Variants in ACAP2 observed in about 807,000 individuals in gnomAD.
ACAP2 encodes arf-GAP with coiled-coil, ANK repeat and PH domain-containing protein 2.
A neutral mutation model predicts 115.8 loss-of-function variants in ACAP2; 39 were observed. That is an observed-to-expected ratio of 0.34 (90% CI 0.26 to 0.44). The LOEUF (loss-of-function observed/expected upper bound fraction) is 0.44. ACAP2 is among the 20% of genes least tolerant of loss of function. The pLI, the probability that ACAP2 is intolerant of heterozygous loss-of-function variation, is 1.00. For missense variants in ACAP2, 662 were observed against 927.6 expected, an observed-to-expected ratio of 0.71 and a Z score of 3.72; for synonymous variants, 289 against 315.8, an observed-to-expected ratio of 0.92 and a Z score of 0.90.
chr3:195,294,178 A>T (rs1193539572), intron 18 of ACAP2, among the ~76,000 whole-genome samples: 1 of 152,054 alleles, frequency 6.6e-6, no homozygotes, highest in African/African-American at 2.4e-5. Flanking sequence ...AGTATAAACA[A>T]TATATAGCTA....
intron 6 of ACAP2, among the ~76,000 whole-genome samples, chr3:195,337,693 C>T (rs1422339813): frequency 6.6e-6 from 1 of 152,154 alleles, no homozygotes; most frequent in East Asian, 1.9e-4. Context: ...GTGATCCACC[C>T]GCCTTGGCCT....
chr3:195,306,957 T>C (rs774597722), intron 12 of ACAP2: 2 of 358,626 alleles, frequency 5.6e-6, no homozygotes, highest in Non-Finnish European at 5.0e-6. Context: ...GAAACTCATA[T>C]GATTTCAATT....
chr3:195,432,544 C>A (rs978136328), intron 1 of ACAP2, among the ~76,000 whole-genome samples: 2 of 152,204 alleles, frequency 1.3e-5, no homozygotes, highest in African/African-American at 4.8e-5. Flanking sequence ...TTTCACTGAT[C>A]TATATGTCTA....
At chr3:195,417,024 G>A (rs1038334042) in intron 1 of ACAP2, among the ~76,000 whole-genome samples, 1 of 148,936 alleles carries the variant, frequency 6.7e-6, no homozygotes, top group Non-Finnish European at 1.5e-5. Context: ...AAGCAATCCT[G>A]CCTCAGCCGC....
intron 20 of ACAP2, among the ~76,000 whole-genome samples, chr3:195,290,964 T>C (rs979299432): frequency 6.6e-6 from 1 of 152,116 alleles, no homozygotes; most frequent in Non-Finnish European, 1.5e-5. Flanking sequence ...TAGTGAGCTA[T>C]GATTGCACCA....
intron 10 of ACAP2, among the ~76,000 whole-genome samples, chr3:195,315,292 A>G (rs1041546354): frequency 5.9e-5 from 9 of 152,354 alleles, no homozygotes; most frequent in Admixed American, 5.2e-4. Context: ...AACTGCTGGG[A>G]TTAGAGGCAT....
chr3:195,301,890 A>G, intron 14 of ACAP2, 76 bp downstream of exon 14: 1 of 1,503,678 alleles, frequency 6.7e-7, no homozygotes, highest in Admixed American at 1.9e-5. Context: ...GAAAAGGGCA[A>G]CTAACAAGTG....
chr3:195,295,365 C>A, intron 17 of ACAP2: 4 of 1,004,314 alleles, frequency 4.0e-6, no homozygotes, highest in Non-Finnish European at 5.4e-6. Context: ...CAGGAAAAAA[C>A]GTTACTGGGA....
At position 195,333,480 on chromosome 3, in the gene ACAP2, C is replaced by T. The variant is rs116490296; in HGVS notation, c.574-357G>A. 5.2e-3 allele frequency among the ~76,000 whole-genome samples: 792 copies of T among 152,274 alleles called. 5 individuals carry two copies. The highest frequency in any genetic ancestry group is 0.018 in the African/African-American group (754 of 41,566). On this transcript the variant is annotated intron_variant, in intron 7 of 22. Transcript: ENST00000326793. Reference sequence around the variant, plus strand: ...CCTCCAAAAGTCCTGGGATTATAGGCGTGAGCCACCATGCCCAGCTCACCA... The same window carrying T: ...CCTCCAAAAGTCCTGGGATTATAGGTGTGAGCCACCATGCCCAGCTCACCA...
rs571840860 is a variant in ACAP2, at chr3:195,393,946, T to A, written c.54-1799A>T. On this transcript the variant is annotated intron_variant, in intron 1 of 22. Transcript: ENST00000326793. ...AGCATGAGCTCAATTTGGGAGCATA[T>A]TTATCAGTCTACGAACTACAACTCT... is the stretch of plus-strand genomic sequence containing the variant. 6.5e-4 allele frequency among the ~76,000 whole-genome samples: 99 copies of A among 152,134 alleles called. 1 individual carries two copies. The highest frequency in any genetic ancestry group is 1.6e-4 in the Non-Finnish European group (11 of 68,006).
At chr3:195,359,199 G>A (rs922204798) in intron 4 of ACAP2, among the ~76,000 whole-genome samples, 4 of 152,096 alleles carry the variant, frequency 2.6e-5, no homozygotes, top group Non-Finnish European at 5.9e-5. Flanking sequence ...TTCTTCACTC[G>A]GAAAGAAAAG....
chr3:195,413,927 A>C (rs1046597529), intron 1 of ACAP2, among the ~76,000 whole-genome samples: 10 of 152,122 alleles, frequency 6.6e-5, no homozygotes, highest in Middle Eastern at 3.4e-3. Flanking sequence ...ATGAGCTATG[A>C]CTGTATCACT....
intron 1 of ACAP2, among the ~76,000 whole-genome samples, chr3:195,428,405 T>C (rs972564351): frequency 9.2e-5 from 14 of 151,690 alleles, no homozygotes; most frequent in Admixed American, 8.5e-4. Flanking sequence ...CACACAGTCA[T>C]ATTCCAATCA....
Position 195,295,878 on chromosome 3 carries a change from G to T in ACAP2, c.1502C>A (p.Ala501Glu). The change falls in exon 17 of 23, where the codon GCA becomes GAA. Residue 501 changes from alanine to glutamate, a missense_variant. Ala to Glu is a moderately radical substitution (Grantham distance 107). Around this residue, in one of 3 missense-constraint regions of ACAP2, gnomAD observed 401 missense variants for 604.4 expected, o/e 0.66. Coordinates refer to ENST00000326793, the MANE Select transcript of ACAP2 (RefSeq NM_012287.6). ...CTCCACATATTTTGCTCTGATATAT[G>T]CCTCCTTCTCCTGTCTGACAGACAT... Reference protein sequence around the residue: ...PQPGQRQEKEAYIRAKYVERK... With the variant: ...PQPGQRQEKEEYIRAKYVERK... 1 of 1,611,576 alleles carries T rather than the reference G, an allele frequency of 6.2e-7. No homozygotes were observed. Among genetic ancestry groups the T allele is most frequent in the Non-Finnish European group, 8.5e-7 (1 of 1,179,078 alleles).
At chr3:195,341,993 G>C (rs74288796) in intron 6 of ACAP2, among the ~76,000 whole-genome samples, 11 of 152,022 alleles carry the variant, frequency 7.2e-5, no homozygotes, top group Non-Finnish European at 1.6e-4. Context: ...ACTCAGAAAG[G>C]GGGGAAGGTG....
chr3:195,342,532 G>C lies in ACAP2; in HGVS notation c.467C>G (p.Thr156Ser). The C allele has an allele frequency of 6.2e-7, 1 of 1,612,720 alleles. No individual in the cohort carries two copies. The highest frequency in any genetic ancestry group is 8.5e-7 in the Non-Finnish European group (1 of 1,179,664). ...TTTTCTTGTTGCTGTCAGAATGTTG[G>C]TGGCTTCTTCAACTTCATGTTGTTT... ...RNKQHEVEEA[T>S]NILTATRKCF... is the part of the protein sequence containing the mutation. Residue 156 changes from threonine (T) to serine (S), a missense_variant, in exon 6 of 23, where the codon ACC becomes AGC. Transcript: ENST00000326793.
Position 195,279,364 on chromosome 3 carries a change from T to G in ACAP2, c.2301A>C (p.Lys767Asn). The G allele has an allele frequency of 6.2e-7, 1 of 1,605,274 alleles. No individual in the cohort carries two copies. Among genetic ancestry groups the G allele is most frequent in the Non-Finnish European group, 8.5e-7 (1 of 1,177,644 alleles). Reference sequence around the variant, plus strand: ...GTGAATCTTGCTGGAAACGATTTAGTTTCTCTGGATTATTGGATGCCATTT... The same window carrying G: ...GTGAATCTTGCTGGAAACGATTTAGGTTCTCTGGATTATTGGATGCCATTT... ...FSQMASNNPE[K>N]LNRFQQDSQK... Residue 767 changes from lysine to asparagine, a missense_variant, in exon 23 of 23, where the codon AAA becomes AAC. By Grantham distance (94) the Lys-to-Asn change is moderately conservative. This residue lies in a region of ACAP2 where 128 missense variants were observed against 200.2 expected (regional missense o/e 0.64). Coordinates refer to ENST00000326793, the MANE Select transcript of ACAP2 (RefSeq NM_012287.6).
At chr3:195,317,344 T>C (rs547732744) in intron 10 of ACAP2, among the ~76,000 whole-genome samples, 1 of 152,334 alleles carries the variant, frequency 6.6e-6, no homozygotes. Flanking sequence ...ACTTTACTAA[T>C]GTCCATTTTT....
intron 6 of ACAP2, among the ~76,000 whole-genome samples, chr3:195,337,528 A>T (rs1730586609): frequency 6.7e-6 from 1 of 149,088 alleles, no homozygotes; most frequent in Non-Finnish European, 1.5e-5. Flanking sequence ...AGCTCACTGC[A>T]ACCTCTGCCT....
Sources: allele counts gnomAD v4.1 joint callset (sites outside exome capture counted in the v4.1 genomes callset), GRCh38; gene constraint gnomAD v4.1.1; regional missense constraint gnomAD v4.1.1; transcripts MANE v1.5; gene names NCBI Gene and HGNC (gene_info 2026-07-23, HGNC 2026-07-21).